Variants in MAP3K13 observed in about 807,000 individuals in gnomAD.
MAP3K13 encodes the protein mitogen-activated protein kinase kinase kinase 13.
Under a neutral mutation model 104.0 loss-of-function variants are expected in MAP3K13, and 52 were observed. That is an observed-to-expected ratio of 0.50 (90% CI 0.40 to 0.63). The LOEUF is 0.63. Among genes scored for constraint, MAP3K13 ranks in the 20% least tolerant of loss-of-function variants. MAP3K13 has a pLI of 0.00. For synonymous variants in MAP3K13, 394 were observed against 442.2 expected (o/e 0.89, Z 1.37); for missense variants, 914 against 1,218.5 (o/e 0.75, Z 3.72).
At chr3:185,401,290 G>A (rs1577512668) in intron 1 of MAP3K13, among the ~76,000 whole-genome samples, 1 of 152,342 alleles carries the variant, frequency 6.6e-6, no homozygotes, top group Admixed American at 6.5e-5. Flanking sequence ...TTGCCAAAAT[G>A]TAAAGGGGGA....
intron 8 of MAP3K13, among the ~76,000 whole-genome samples, chr3:185,465,311 G>T (rs965558462): frequency 2.1e-4 from 32 of 152,170 alleles, no homozygotes; most frequent in African/African-American, 7.7e-4. Context: ...TTGGGTGTTA[G>T]GTTTCAACAT....
chr3:185,452,426 G>A (rs1715943892), intron 7 of MAP3K13, among the ~76,000 whole-genome samples: 1 of 152,030 alleles, frequency 6.6e-6, no homozygotes. Flanking sequence ...TGGTAGAGAT[G>A]TGGTTTCACC....
In MAP3K13 at chr3:185,347,175, C is replaced by T. The variant is rs559807465; in HGVS notation, c.-86+61532C>T. ...CTAATTTTTGTATTTTTAGTAGAGA[C>T]GGGGTTTCACCATGTTGGCCAGGAT... On this transcript the variant is annotated intron_variant, in intron 2 of 14. Transcript: ENST00000424227. Among the ~76,000 whole-genome samples, 14 of 151,754 alleles carry T rather than the reference C, an allele frequency of 9.2e-5. 1 individual carries two copies. The South Asian group carries it at 2.7e-3, about 30-fold the overall frequency.
intron 2 of MAP3K13, among the ~76,000 whole-genome samples, chr3:185,308,045 G>A (rs377105976): frequency 8.8e-5 from 1 of 11,398 alleles, no homozygotes; most frequent in Non-Finnish European, 1.8e-4. Context: ...GACTTACTTT[G>A]TTCCCTTGGT....
At chr3:185,403,597 A>G (rs1375535525) in intron 1 of MAP3K13, among the ~76,000 whole-genome samples, 1 of 152,202 alleles carries the variant, frequency 6.6e-6, no homozygotes, top group Non-Finnish European at 1.5e-5. Context: ...TCAAAACATC[A>G]CACTGTACAA....
chr3:185,458,367 CAA>C (rs60147107), intron 7 of MAP3K13, among the ~76,000 whole-genome samples: 3,569 of 112,160 alleles, frequency 0.032, 95 homozygotes, highest in African/African-American at 0.084. Context: ...GACCCCATCT[CAA>C]AAAAAAAAAA....
At chr3:185,339,137 T>G (rs1333677407) in intron 2 of MAP3K13, among the ~76,000 whole-genome samples, 2 of 152,006 alleles carry the variant, frequency 1.3e-5, no homozygotes, top group Non-Finnish European at 2.9e-5. Flanking sequence ...CTGGCCAACA[T>G]GGAGAAACCC....
intron 7 of MAP3K13, among the ~76,000 whole-genome samples, chr3:185,455,361 GAGAT>G (rs1383819066): frequency 2.6e-5 from 2 of 76,762 alleles, no homozygotes; most frequent in African/African-American, 9.6e-5. Flanking sequence ...ATATATATAT[GAGAT>G]ATATATGATA....
intron 2 of MAP3K13, among the ~76,000 whole-genome samples, chr3:185,354,885 AAC>A (rs1349011567): frequency 6.6e-6 from 1 of 152,164 alleles, no homozygotes; most frequent in Admixed American, 6.5e-5. Context: ...GATGATGAAA[AAC>A]AGGTCTTTAA....
intron 12 of MAP3K13, among the ~76,000 whole-genome samples, chr3:185,478,693 G>A (rs561887676): frequency 2.2e-4 from 34 of 151,948 alleles, no homozygotes; most frequent in African/African-American, 7.2e-4. Flanking sequence ...CCAACACGGC[G>A]AAACCCCGTC....
At chr3:185,338,430 A>G (rs1232886301) in intron 2 of MAP3K13, among the ~76,000 whole-genome samples, 1 of 152,174 alleles carries the variant, frequency 6.6e-6, no homozygotes, top group East Asian at 1.9e-4. Context: ...TTCCCAGTCA[A>G]AAGGCTCAAG....
intron 1 of MAP3K13, among the ~76,000 whole-genome samples, chr3:185,284,758 T>A (rs576929871): frequency 1.3e-5 from 2 of 151,020 alleles, no homozygotes; most frequent in Non-Finnish European, 3.0e-5. Flanking sequence ...AAATAAAATT[T>A]AAAAAATAAA....
chr3:185,455,171 G>GATATATAGATGATATATATGAGAT lies in MAP3K13; in HGVS notation c.1278+3783_1278+3784insGATGATATATATGAGATATATATA, dbSNP rs1716396594. The stretch of plus-strand genomic sequence containing the variant: ...TGTGAGATATATATGATATATATGA[G>GATATATAGATGATATATATGAGAT]ATATATATGATATATATGAGATATA... On this transcript the variant is annotated intron_variant, in intron 7 of 13. Transcript: ENST00000265026. Among the ~76,000 whole-genome samples the GATATATAGATGATATATATGAGAT allele has an allele frequency of 1.1e-4, 3 of 28,102 alleles. 1 individual carries two copies. Among genetic ancestry groups the GATATATAGATGATATATATGAGAT allele is most frequent in the Non-Finnish European group, 2.2e-4 (3 of 13,344 alleles). 18.4% of individuals were successfully genotyped at this position (28,102 alleles called of 152,430 possible).
At chr3:185,415,789 G>A (rs1046887273) in intron 1 of MAP3K13, among the ~76,000 whole-genome samples, 5 of 151,586 alleles carry the variant, frequency 3.3e-5, no homozygotes, top group African/African-American at 1.2e-4. Context: ...CTCCATGTTG[G>A]TCAGGCTGGT....
chr3:185,328,809 T>C (rs1722134746), intron 2 of MAP3K13: 1 of 163,998 alleles, frequency 6.1e-6, no homozygotes, highest in Non-Finnish European at 1.3e-5. Flanking sequence ...CCCACCTCGC[T>C]GTGTTGGTTG....
chr3:185,327,651 C>T (rs1722085202), intron 2 of MAP3K13, among the ~76,000 whole-genome samples: 1 of 152,192 alleles, frequency 6.6e-6, no homozygotes, highest in Non-Finnish European at 1.5e-5. Flanking sequence ...GTGGCTCACA[C>T]CTGTAATACC....
At chr3:185,448,446 A>C (rs1185301090) in intron 5 of MAP3K13, among the ~76,000 whole-genome samples, 1 of 152,202 alleles carries the variant, frequency 6.6e-6, no homozygotes, top group Non-Finnish European at 1.5e-5. Flanking sequence ...GCTTTAAAAA[A>C]AAATCTCTGT....
chr3:185,486,591 T>C lies in MAP3K13; in HGVS notation c.*4135T>C, dbSNP rs1043017956. 6.6e-5 allele frequency: 10 copies of C among 152,224 alleles called. No individual in the cohort carries two copies. Among genetic ancestry groups the C allele is most frequent in the African/African-American group, 2.2e-4 (9 of 41,458 alleles). The allele number at this position is 152,224 out of a possible 1,614,324, so 9.4% of individuals were successfully genotyped here. A position where few individuals can be genotyped will look rare whatever the true frequency, so the allele number is the denominator to read the frequency against. On this transcript the variant is annotated 3_prime_UTR_variant, in exon 14 of 14. Transcript: ENST00000265026. ...GCTAATTCTTCAGTCCTGACAAGTG[T>C]GTTACAACAGTGCTTCCAGGAACCT...
At chr3:185,401,150 C>G (rs78065051) in intron 1 of MAP3K13, among the ~76,000 whole-genome samples, 72 of 152,148 alleles carry the variant, frequency 4.7e-4, no homozygotes, top group African/African-American at 1.5e-3. Flanking sequence ...ATAATATCAC[C>G]ATTTTCTTTT....
Sources: gnomAD v4.1 joint callset for allele counts (sites outside exome capture counted in the v4.1 genomes callset) on GRCh38, gnomAD v4.1.1 for gene constraint, MANE v1.5 for transcripts, NCBI Gene and HGNC (gene_info 2026-07-23, HGNC 2026-07-21) for gene names.